EPHA6: variants seen among roughly 807,000 people sequenced by gnomAD.
EPHA6 encodes the protein ephrin type-A receptor 6.
A neutral mutation model predicts 112.0 loss-of-function variants in EPHA6; 50 were observed. The ratio of observed to expected loss-of-function variants is 0.45; its 90% CI spans 0.36 to 0.56. EPHA6 has a LOEUF of 0.56. EPHA6 is among the 20% of genes least tolerant of loss of function. The pLI is 0.00. For synonymous variants in EPHA6, 529 were observed against 490.7 expected, an observed-to-expected ratio of 1.08 and a Z score of -1.03; for missense variants, 1,280 against 1,417.4, an observed-to-expected ratio of 0.90 and a Z score of 1.56.
chr3:97,581,696 A>T (rs1427132097), intron 11 of EPHA6, among the ~76,000 whole-genome samples: 1 of 152,248 alleles, frequency 6.6e-6, no homozygotes, highest in East Asian at 1.9e-4. Flanking sequence ...AGTGACTTGC[A>T]TAAGGTCATG....
chr3:97,220,353 T>C (rs1288487991), intron 3 of EPHA6, among the ~76,000 whole-genome samples: 1 of 152,180 alleles, frequency 6.6e-6, no homozygotes, highest in Non-Finnish European at 1.5e-5. Context: ...TTCCACACTT[T>C]TGGTATCTTT....
chr3:96,856,546 C>G (rs550046245), intron 1 of EPHA6, among the ~76,000 whole-genome samples: 1 of 152,222 alleles, frequency 6.6e-6, no homozygotes, highest in East Asian at 1.9e-4. Flanking sequence ...ACTATGGGAA[C>G]TATAACATAT....
chr3:97,147,455 G>A (rs1406337168), intron 3 of EPHA6, among the ~76,000 whole-genome samples: 3 of 151,786 alleles, frequency 2.0e-5, no homozygotes. Context: ...AAAGCACAAT[G>A]CCAGTCACAA....
chr3:97,678,722 A>G (rs1462399698), intron 14 of EPHA6, among the ~76,000 whole-genome samples: 1 of 152,166 alleles, frequency 6.6e-6, no homozygotes, highest in Admixed American at 6.5e-5. Context: ...TTTGCTTTAT[A>G]TATTTTGATA....
chr3:97,298,379 A>G (rs1459559962), intron 5 of EPHA6, among the ~76,000 whole-genome samples: 4 of 152,198 alleles, frequency 2.6e-5, no homozygotes, highest in African/African-American at 9.7e-5. Context: ...CATGTGTTAG[A>G]TAACAATGAT....
intron 3 of EPHA6, among the ~76,000 whole-genome samples, chr3:97,032,827 TA>T (rs2108023495): frequency 6.6e-6 from 1 of 152,078 alleles, no homozygotes; most frequent in Non-Finnish European, 1.5e-5. Flanking sequence ...AAAGGCAAAA[TA>T]TTTTTTATCG....
At chr3:97,524,049 C>T (rs1390687093) in intron 10 of EPHA6, among the ~76,000 whole-genome samples, 1 of 151,980 alleles carries the variant, frequency 6.6e-6, no homozygotes, top group East Asian at 1.9e-4. Flanking sequence ...TCTATTTAGA[C>T]ATTATTTTAA....
chr3:97,528,369 A>C (rs2092652320), intron 10 of EPHA6, among the ~76,000 whole-genome samples: 1 of 152,098 alleles, frequency 6.6e-6, no homozygotes. Flanking sequence ...GGTCAAGGAA[A>C]GTTTTCTGAG....
intron 11 of EPHA6, among the ~76,000 whole-genome samples, chr3:97,555,902 C>A (rs1196919464): frequency 6.6e-6 from 1 of 152,112 alleles, no homozygotes; most frequent in African/African-American, 2.4e-5. Context: ...ATGGTAGTTT[C>A]TTTTGCTGTG....
intron 1 of EPHA6, among the ~76,000 whole-genome samples, chr3:96,838,513 C>T (rs1021726400): frequency 6.6e-6 from 1 of 152,124 alleles, no homozygotes; most frequent in Non-Finnish European, 1.5e-5. Context: ...TACTTTCCCA[C>T]CAACAGTGTA....
At chr3:97,106,237 G>C (rs1233783367) in intron 3 of EPHA6, among the ~76,000 whole-genome samples, 6 of 151,938 alleles carry the variant, frequency 3.9e-5, no homozygotes. Flanking sequence ...GTATACTAAA[G>C]GTATACTACA....
At chr3:97,489,976 C>T (rs1170699384) in intron 10 of EPHA6, among the ~76,000 whole-genome samples, 1 of 152,094 alleles carries the variant, frequency 6.6e-6, no homozygotes, top group Non-Finnish European at 1.5e-5. Flanking sequence ...CAACACCGTA[C>T]ATCTTATTTG....
chr3:97,095,325 A>T (rs2047203298), intron 3 of EPHA6, among the ~76,000 whole-genome samples: 1 of 151,912 alleles, frequency 6.6e-6, no homozygotes, highest in Admixed American at 6.6e-5. Context: ...AAAGGGAGGG[A>T]TAGCATTAGG....
chr3:97,582,506 CA>C (rs1188647989), intron 11 of EPHA6, among the ~76,000 whole-genome samples: 5 of 152,024 alleles, frequency 3.3e-5, no homozygotes, highest in Admixed American at 1.3e-4. Flanking sequence ...TTACCTCATG[CA>C]AAAAATAGCT....
At chr3:97,667,944 A>C (rs1474159347) in intron 14 of EPHA6, among the ~76,000 whole-genome samples, 1 of 152,234 alleles carries the variant, frequency 6.6e-6, no homozygotes, top group Non-Finnish European at 1.5e-5. Context: ...CCCTTGCCTT[A>C]CAGAGAGAGC....
rs542110943 is a variant in EPHA6, at chr3:96,883,101, T to C, written c.450+16212T>C. Among the ~76,000 whole-genome samples the C allele has an allele frequency of 5.9e-5, 9 of 152,268 alleles. No individual in the cohort carries two copies. The South Asian group carries it at 1.9e-3, about 32-fold the overall frequency. The stretch of plus-strand genomic sequence containing the variant: ...CATGGCAACATCTATTGTTTTTTGA[T>C]TTTTTGATTATGACCATACTTGCAG... On this transcript the variant is annotated intron_variant, in intron 2 of 17. Transcript: ENST00000389672.
At chr3:96,892,823 T>G (rs2038042387) in intron 2 of EPHA6, among the ~76,000 whole-genome samples, 1 of 152,198 alleles carries the variant, frequency 6.6e-6, no homozygotes, top group Admixed American at 6.5e-5. Context: ...TAATTTTTAA[T>G]TATTTTGTTT....
chr3:97,479,451 A>G, intron 9 of EPHA6, 87 bp downstream of exon 9: 1 of 795,224 alleles, frequency 1.3e-6, no homozygotes. Context: ...TGAGTTGAGA[A>G]AAAAAGAAAA....
intron 5 of EPHA6, among the ~76,000 whole-genome samples, chr3:97,354,954 A>G (rs1455222235): frequency 1.3e-5 from 2 of 152,138 alleles, no homozygotes; most frequent in African/African-American, 4.8e-5. Context: ...TGGATGACAT[A>G]TTTAAAGTGC....
Sources: allele counts gnomAD v4.1 joint callset (sites outside exome capture counted in the v4.1 genomes callset), GRCh38; gene constraint gnomAD v4.1.1; transcripts MANE v1.5; gene names NCBI Gene and HGNC (gene_info 2026-07-23, HGNC 2026-07-21).